Variants in MYO5B observed in about 807,000 individuals in gnomAD.
MYO5B encodes the protein myosin VB.
Under a neutral mutation model 229.3 loss-of-function variants are expected in MYO5B, and 143 were observed. That is an observed-to-expected ratio of 0.62 (90% CI 0.54 to 0.72). The LOEUF (loss-of-function observed/expected upper bound fraction) is 0.72. Ranked by LOEUF, MYO5B falls within the 30% of genes least tolerant of loss-of-function variation. The pLI, the probability that MYO5B is intolerant of heterozygous loss-of-function variation, is 0.00. For missense variants in MYO5B, 2,321 were observed against 2,331.0 expected, an observed-to-expected ratio of 1.00 and a Z score of 0.09; for synonymous variants, 918 against 885.2, an observed-to-expected ratio of 1.04 and a Z score of -0.66.
chr18:50,126,937 A>G (rs1287851504), intron 1 of MYO5B, among the ~76,000 whole-genome samples: 1 of 152,208 alleles, frequency 6.6e-6, no homozygotes, highest in Non-Finnish European at 1.5e-5. Context: ...TTTACAATTC[A>G]TTGGTTAGTG....
intron 5 of MYO5B, among the ~76,000 whole-genome samples, chr18:49,999,225 A>C (rs892034923): frequency 6.6e-6 from 1 of 152,240 alleles, no homozygotes; most frequent in East Asian, 1.9e-4. Flanking sequence ...TTACTGCCTA[A>C]AAGATGGACA....
At chr18:50,097,099 T>C in intron 1 of MYO5B, 2 of 403,012 alleles carry the variant, frequency 5.0e-6, no homozygotes, top group East Asian at 7.3e-5. Flanking sequence ...CTGCTGTTGA[T>C]ATGGTTCCCT....
At chr18:50,026,400 G>T (rs1321737235) in intron 4 of MYO5B, among the ~76,000 whole-genome samples, 1 of 152,256 alleles carries the variant, frequency 6.6e-6, no homozygotes, top group Non-Finnish European at 1.5e-5. Flanking sequence ...CTGTAGAACT[G>T]AAAGTGGCTT....
intron 1 of MYO5B, among the ~76,000 whole-genome samples, chr18:50,193,366 G>C (rs2033254374): frequency 6.6e-6 from 1 of 152,210 alleles, no homozygotes; most frequent in Admixed American, 6.5e-5. Context: ...AGGCTGCTGC[G>C]GCCCCACCCC....
chr18:50,097,334 A>G (rs576029971), intron 1 of MYO5B: 1 of 451,570 alleles, frequency 2.2e-6, no homozygotes, highest in South Asian at 1.6e-5. Flanking sequence ...GAAGGCAGAC[A>G]CCCTGCCTTA....
intron 1 of MYO5B, among the ~76,000 whole-genome samples, chr18:50,120,301 T>C (rs1289056142): frequency 6.6e-6 from 1 of 152,204 alleles, no homozygotes; most frequent in Non-Finnish European, 1.5e-5. Context: ...CAATGTCTGC[T>C]CGAGATTGGC....
At chr18:49,920,146 AG>A (rs1328696392) in intron 17 of MYO5B, among the ~76,000 whole-genome samples, 2 of 152,212 alleles carry the variant, frequency 1.3e-5, no homozygotes, top group African/African-American at 2.4e-5. Context: ...AGCGCTTGCC[AG>A]GGGCTGGGAG....
chr18:49,963,967 C>T (rs1000003925), intron 10 of MYO5B, among the ~76,000 whole-genome samples: 46 of 152,164 alleles, frequency 3.0e-4, no homozygotes, highest in African/African-American at 1.0e-3. Flanking sequence ...ACTTAATTAA[C>T]ACAGGTGCCC....
intron 13 of MYO5B, among the ~76,000 whole-genome samples, chr18:49,953,979 A>C: frequency 7.2e-6 from 1 of 139,584 alleles, no homozygotes; most frequent in Admixed American, 7.2e-5. Context: ...GTGTGTGTGT[A>C]TAGACTATAT....
At chr18:50,152,625 T>C (rs1049734636) in intron 1 of MYO5B, among the ~76,000 whole-genome samples, 1 of 152,174 alleles carries the variant, frequency 6.6e-6, no homozygotes, top group African/African-American at 2.4e-5. Context: ...AACTACAACA[T>C]GAGAGCAGGT....
chr18:49,983,902 T>C (rs1009805921), intron 8 of MYO5B, among the ~76,000 whole-genome samples: 9 of 152,194 alleles, frequency 5.9e-5, no homozygotes, highest in African/African-American at 1.7e-4. Context: ...ACAACTTCCC[T>C]GACCTCCAAA....
At chr18:49,847,122 T>C (rs1422749631) in intron 33 of MYO5B, 24 bp downstream of exon 33, 4 of 1,613,496 alleles carry the variant, frequency 2.5e-6, no homozygotes, top group South Asian at 1.1e-5. Flanking sequence ...GCAGGCAGCA[T>C]AGGGTGGCAC....
intron 10 of MYO5B, among the ~76,000 whole-genome samples, chr18:49,968,476 T>A (rs202182194): frequency 6.7e-6 from 1 of 149,578 alleles, no homozygotes; most frequent in Non-Finnish European, 1.5e-5. Flanking sequence ...TCTTGAAGAC[T>A]TTCCTCTGGA....
At position 49,895,065 on chromosome 18, in the gene MYO5B, C is replaced by G. The variant is rs767079186; in HGVS notation, c.2921G>C (p.Gly974Ala). The G allele has an allele frequency of 2.0e-5, 32 of 1,614,034 alleles. No homozygotes were observed. The highest frequency in any genetic ancestry group is 2.7e-5 in the African/African-American group (2 of 74,944). The stretch of plus-strand genomic sequence containing the variant: ...CTGCAGCCTGAGGCTGGTGTCCTCA[C>G]CTGGGCTCTGCTGGTAGTGCACCAG... ...KELVHYQQSP[G>A]EDTSLRLQEE... Residue 974 changes from glycine (G) to alanine (A), a missense_variant, in exon 22 of 40, where the codon GGT (glycine) becomes GCT (alanine). Coordinates refer to ENST00000285039, the MANE Select transcript of MYO5B (RefSeq NM_001080467.3).
At chr18:49,864,947 G>GA (rs2024379335) in intron 27 of MYO5B, among the ~76,000 whole-genome samples, 1 of 152,126 alleles carries the variant, frequency 6.6e-6, no homozygotes, top group African/African-American at 2.4e-5. Context: ...GTCAGCAGAG[G>GA]AAAAATACCT....
chr18:49,988,071 T>C (rs908070352), intron 7 of MYO5B, among the ~76,000 whole-genome samples: 2 of 152,190 alleles, frequency 1.3e-5, no homozygotes, highest in African/African-American at 4.8e-5. Context: ...GATGCAAATC[T>C]GCACCCTCCA....
chr18:50,017,684 T>A (rs2026230738), intron 4 of MYO5B, among the ~76,000 whole-genome samples: 2 of 152,216 alleles, frequency 1.3e-5, no homozygotes, highest in Non-Finnish European at 2.9e-5. Context: ...AGTAGCTTTG[T>A]GAATTTTCTT....
In MYO5B at chr18:50,169,924, C is replaced by A. The variant is rs771132198; in HGVS notation, c.27+24843G>T. On this transcript the variant is annotated intron_variant, in intron 1 of 39. Coordinates refer to ENST00000285039, the MANE Select transcript of MYO5B (RefSeq NM_001080467.3). ...AGATAGGAGCCGTGGACCTGCCACA[C>A]GGGCCCCAGACTGCCCACCTCCAAA... 8.7e-5 allele frequency among the ~76,000 whole-genome samples: 11 copies of A among 126,390 alleles called. 3 individuals are homozygous for A. Among genetic ancestry groups the A allele is most frequent in the Non-Finnish European group, 1.5e-4 (9 of 59,434 alleles). The allele number at this position is 126,390 out of a possible 152,430, so 82.9% of individuals were successfully genotyped here.
intron 6 of MYO5B, among the ~76,000 whole-genome samples, chr18:49,991,672 CA>C: frequency 1.3e-5 from 2 of 152,166 alleles, no homozygotes; most frequent in Admixed American, 1.3e-4. Flanking sequence ...CGGGGCCTGT[CA>C]GTGGGTGGAA....
Sources: gnomAD v4.1 joint callset for allele counts (sites outside exome capture counted in the v4.1 genomes callset) on GRCh38, gnomAD v4.1.1 for gene constraint, MANE v1.5 for transcripts, NCBI Gene and HGNC (gene_info 2026-07-23, HGNC 2026-07-21) for gene names.